The following FANK1 variants were observed in gnomAD, a reference collection of about 807,000 sequenced individuals.
FANK1 encodes fibronectin type 3 and ankyrin repeat domains protein 1.
A neutral mutation model predicts 45.3 loss-of-function variants in FANK1; 44 were observed. That is an observed-to-expected ratio of 0.97 (90% CI 0.76 to 1.25). The LOEUF (loss-of-function observed/expected upper bound fraction) is 1.25. Ranked by LOEUF, FANK1 falls within the 50% of genes most tolerant of loss-of-function variation. FANK1 has a pLI of 0.00. For missense variants in FANK1, 391 were observed against 424.4 expected, an observed-to-expected ratio of 0.92 and a Z score of 0.69; for synonymous variants, 149 against 152.5, an observed-to-expected ratio of 0.98 and a Z score of 0.17.
Position 126,008,404 on chromosome 10 carries a change from C to A in FANK1, c.706-3C>A. 6.3e-7 allele frequency: 1 copy of A among 1,587,352 alleles called. No individual in the cohort carries two copies. The highest frequency in any genetic ancestry group is 8.6e-7 in the Non-Finnish European group (1 of 1,169,354). On this transcript the variant is annotated splice_region_variant and splice_polypyrimidine_tract_variant and intron_variant, in intron 7 of 10. Transcript: ENST00000368693. ...CAACACAGCTGTTTCTCTGGCCCAA[C>A]AGGTAGACGTCGTGGACACTGGTTC...
intron 2 of FANK1, among the ~76,000 whole-genome samples, chr10:125,985,004 C>T (rs1156910311): frequency 6.6e-6 from 1 of 152,208 alleles, no homozygotes; most frequent in Non-Finnish European, 1.5e-5. Flanking sequence ...CTGGTCCCTG[C>T]TGTGGCTTTT....
intron 1 of FANK1, among the ~76,000 whole-genome samples, chr10:125,956,212 G>GT (rs35333336): frequency 7.6e-6 from 1 of 132,278 alleles, no homozygotes; most frequent in African/African-American, 2.8e-5. Flanking sequence ...TGGGGGGGGG[G>GT]CGGTGGTGGG....
intron 1 of FANK1, among the ~76,000 whole-genome samples, chr10:125,921,387 T>C (rs1442653303): frequency 1.3e-5 from 2 of 152,178 alleles, no homozygotes; most frequent in African/African-American, 4.8e-5. Context: ...TAGTAATCCA[T>C]TGTATAAATA....
intron 6 of FANK1, 124 bp from the exon 7 acceptor site, chr10:126,004,760 A>T (rs766895142): frequency 5.5e-5 from 50 of 907,324 alleles, no homozygotes; most frequent in Non-Finnish European, 8.6e-5. Context: ...GTTTTATATG[A>T]ACAGTTCCCA....
Position 125,937,081 on chromosome 10 carries a change from T to A in FANK1, c.13+40426T>A, listed in dbSNP as rs201180956. Among the ~76,000 whole-genome samples the A allele has an allele frequency of 4.1e-3, 623 of 151,870 alleles. 6 individuals are homozygous for A. The highest frequency in any genetic ancestry group is 0.031 in the East Asian group (160 of 5,158). On this transcript the variant is annotated intron_variant, in intron 1 of 10. Transcript: ENST00000368693. Reference sequence around the variant, plus strand: ...CCAAACTCCGTCTCAAAAAAAAAAATAAAATAATACCTCTATGAGCATTCT... The same window carrying A: ...CCAAACTCCGTCTCAAAAAAAAAAAAAAAATAATACCTCTATGAGCATTCT...
At chr10:125,904,356 C>A (rs372684894) in intron 1 of FANK1, among the ~76,000 whole-genome samples, 4 of 151,772 alleles carry the variant, frequency 2.6e-5, no homozygotes, top group Admixed American at 1.3e-4. Context: ...AAAACTTCCT[C>A]ACAAAAACAA....
At chr10:125,960,325 C>A in intron 1 of FANK1, 1 of 251,814 alleles carries the variant, frequency 4.0e-6, no homozygotes, top group Non-Finnish European at 8.0e-6. Flanking sequence ...GCCTGAGAGA[C>A]CTTGATCCTC....
At chr10:125,984,608 G>GA (rs1349796412) in intron 2 of FANK1, among the ~76,000 whole-genome samples, 19 of 152,166 alleles carry the variant, frequency 1.2e-4, no homozygotes, top group Non-Finnish European at 2.1e-4. Flanking sequence ...AAGGGCCAGG[G>GA]AAAGGGTCTG....
chr10:125,965,443 A>G (rs1365572246), intron 1 of FANK1, among the ~76,000 whole-genome samples: 1 of 152,210 alleles, frequency 6.6e-6, no homozygotes, highest in Non-Finnish European at 1.5e-5. Flanking sequence ...GGCTTTTCTT[A>G]TCTGATTGTG....
At chr10:125,968,574 A>C (rs1196110082) in intron 1 of FANK1, among the ~76,000 whole-genome samples, 1 of 152,208 alleles carries the variant, frequency 6.6e-6, no homozygotes, top group African/African-American at 2.4e-5. Flanking sequence ...TCATGATACA[A>C]ATCACAATTG....
At chr10:125,950,434 A>G (rs1269525741) in intron 1 of FANK1, among the ~76,000 whole-genome samples, 1 of 150,630 alleles carries the variant, frequency 6.6e-6, no homozygotes, top group South Asian at 2.1e-4. Flanking sequence ...AAAACAAACA[A>G]CCCCATCAAA....
intron 1 of FANK1, among the ~76,000 whole-genome samples, chr10:125,950,576 C>T (rs1949141636): frequency 6.6e-6 from 1 of 152,130 alleles, no homozygotes; most frequent in Non-Finnish European, 1.5e-5. Flanking sequence ...GATACCATCT[C>T]ACACCAGTTA....
At chr10:125,952,796 TACATACACACAC>T (rs1490769240) in intron 1 of FANK1, among the ~76,000 whole-genome samples, 25 of 101,008 alleles carry the variant, frequency 2.5e-4, no homozygotes, top group East Asian at 8.7e-4. Context: ...CAGCAGGAAA[TACATACACACAC>T]ACACACACAC....
At chr10:125,918,573 AAAAAAAAAAAAAATATAT>A (rs1265000042) in intron 1 of FANK1, among the ~76,000 whole-genome samples, 2 of 120,112 alleles carry the variant, frequency 1.7e-5, no homozygotes, top group African/African-American at 7.3e-5. Flanking sequence ...AAAAAAAAAA[AAAAAAAAAAAAAATATAT>A]ATATATATAT....
intron 3 of FANK1, chr10:125,989,365 A>G: frequency 6.4e-7 from 1 of 1,551,050 alleles, no homozygotes; most frequent in Non-Finnish European, 8.7e-7. Context: ...CAGGCAAGTA[A>G]TTTTTCAGTT....
Position 125,996,757 on chromosome 10 carries a change from A to G in FANK1, c.473+133A>G, listed in dbSNP as rs1590217350. On this transcript the variant is annotated intron_variant, in intron 5 of 10. Coordinates refer to ENST00000368693, the MANE Select transcript of FANK1 (RefSeq NM_145235.5). Reference sequence around the variant, plus strand: ...GTTTCTTTTCTATCTCCCAAACCGTACCATATGATGGCTTAGAAATTCAAC... The same window carrying G: ...GTTTCTTTTCTATCTCCCAAACCGTGCCATATGATGGCTTAGAAATTCAAC... The G allele has an allele frequency of 2.2e-5, 15 of 695,672 alleles. No individual in the cohort carries two copies. The East Asian group carries it at 3.9e-4, about 18-fold the overall frequency. 43.1% of individuals were successfully genotyped at this position (695,672 alleles called of 1,614,324 possible). A position where few individuals can be genotyped will look rare whatever the true frequency, so the allele number is the denominator to read the frequency against.
intron 1 of FANK1, among the ~76,000 whole-genome samples, chr10:125,956,248 G>T (rs545654236): frequency 6.6e-6 from 1 of 151,770 alleles, no homozygotes; most frequent in Admixed American, 6.6e-5. Flanking sequence ...CAACCAGGAT[G>T]AGGATTGAAT....
intron 3 of FANK1, among the ~76,000 whole-genome samples, chr10:125,992,046 A>G (rs1342006968): frequency 6.6e-6 from 1 of 151,972 alleles, no homozygotes; most frequent in Non-Finnish European, 1.5e-5. Flanking sequence ...TGCAACACTC[A>G]GGGTAAAACA....
chr10:125,994,709 A>C (rs1268996033), intron 3 of FANK1: 1 of 985,316 alleles, frequency 1.0e-6, no homozygotes, highest in East Asian at 1.1e-4. Context: ...GCTTCTACAT[A>C]GCCCTTTATT....
Sources: allele counts gnomAD v4.1 joint callset (sites outside exome capture counted in the v4.1 genomes callset), GRCh38; gene constraint gnomAD v4.1.1; transcripts MANE v1.5; gene names NCBI Gene and HGNC (gene_info 2026-07-23, HGNC 2026-07-21).